Variants in BACH2 observed in about 807,000 individuals in gnomAD.
The protein encoded by BACH2 is BACH transcriptional regulator 2.
BACH2 carries 5 observed loss-of-function variants against 61.8 expected under a neutral mutation model. The ratio of observed to expected loss-of-function variants is 0.08; its 90% CI spans 0.04 to 0.17. BACH2 has a LOEUF of 0.17. BACH2 is among the 10% of genes least tolerant of loss of function. The pLI is 1.00. For synonymous variants in BACH2, 446 were observed against 440.1 expected (o/e 1.01, Z -0.17); for missense variants, 824 against 1,091.1 (o/e 0.76, Z 3.45).
intron 7 of BACH2, among the ~76,000 whole-genome samples, chr6:89,945,821 CCA>C (rs1417876862): frequency 3.3e-5 from 5 of 152,182 alleles, no homozygotes; most frequent in African/African-American, 1.2e-4. Flanking sequence ...AACGGTGCTC[CCA>C]GTTTTTTCTT....
intron 1 of BACH2, among the ~76,000 whole-genome samples, chr6:90,282,183 G>A (rs920022355): frequency 5.3e-5 from 8 of 152,008 alleles, no homozygotes; most frequent in South Asian, 4.2e-4. Context: ...TAAGTTCAGG[G>A]GTATGCACAT....
intron 4 of BACH2, among the ~76,000 whole-genome samples, chr6:90,123,878 A>G (rs1322223508): frequency 6.6e-6 from 1 of 151,972 alleles, no homozygotes; most frequent in African/African-American, 2.4e-5. Flanking sequence ...CTGATGCCCC[A>G]AAGCACAATG....
intron 1 of BACH2, among the ~76,000 whole-genome samples, chr6:90,281,878 G>A (rs1236354788): frequency 6.6e-6 from 1 of 151,808 alleles, no homozygotes; most frequent in South Asian, 2.1e-4. Context: ...GAAAACTAAG[G>A]TACACTGAAG....
chr6:90,029,183 C>T (rs980811271), intron 5 of BACH2, among the ~76,000 whole-genome samples: 1 of 152,176 alleles, frequency 6.6e-6, no homozygotes, highest in East Asian at 1.9e-4. Context: ...AGGGTAACCA[C>T]AGCAGGTTCA....
At chr6:90,260,181 A>G (rs1582542764) in intron 2 of BACH2, among the ~76,000 whole-genome samples, 1 of 152,284 alleles carries the variant, frequency 6.6e-6, no homozygotes, top group African/African-American at 2.4e-5. Flanking sequence ...ATGTAGGCAT[A>G]TATTGCTATA....
At chr6:90,168,858 C>T (rs976579727) in intron 4 of BACH2, among the ~76,000 whole-genome samples, 3 of 152,178 alleles carry the variant, frequency 2.0e-5, no homozygotes, top group Non-Finnish European at 4.4e-5. Flanking sequence ...TTTCCTGTTC[C>T]ACGCTGGTTT....
intron 4 of BACH2, among the ~76,000 whole-genome samples, chr6:90,123,067 T>G (rs4421168): frequency 6.6e-6 from 1 of 152,198 alleles, no homozygotes; most frequent in African/African-American, 2.4e-5. Context: ...AATGAAACTT[T>G]ATGTTGGAAA....
At chr6:90,070,315 G>T (rs140285175) in intron 5 of BACH2, among the ~76,000 whole-genome samples, 3 of 152,174 alleles carry the variant, frequency 2.0e-5, no homozygotes, top group Admixed American at 6.5e-5. Flanking sequence ...GGAGCCACTC[G>T]CACAGCTAGC....
chr6:90,254,051 G>T (rs1286520127), intron 2 of BACH2, among the ~76,000 whole-genome samples: 1 of 152,020 alleles, frequency 6.6e-6, no homozygotes, highest in Non-Finnish European at 1.5e-5. Flanking sequence ...ATAAAAACTT[G>T]AATGCAGGTA....
intron 6 of BACH2, among the ~76,000 whole-genome samples, chr6:89,969,642 C>T (rs923869721): frequency 7.9e-5 from 12 of 152,174 alleles, no homozygotes; most frequent in African/African-American, 1.2e-4. Context: ...GCCATATGCA[C>T]CTGGGATTAA....
At chr6:90,227,095 T>C (rs1415958294) in intron 3 of BACH2, among the ~76,000 whole-genome samples, 3 of 152,204 alleles carry the variant, frequency 2.0e-5, no homozygotes, top group Non-Finnish European at 4.4e-5. Flanking sequence ...TCCATTTGAT[T>C]TGCCATTAAG....
chr6:90,014,075 T>C (rs1452214864), intron 5 of BACH2, among the ~76,000 whole-genome samples: 1 of 152,132 alleles, frequency 6.6e-6, no homozygotes, highest in Non-Finnish European at 1.5e-5. Flanking sequence ...TAAGCCACTG[T>C]GCCCAGCCCT....
At chr6:90,094,477 C>T (rs780857294) in intron 4 of BACH2, among the ~76,000 whole-genome samples, 1 of 152,172 alleles carries the variant, frequency 6.6e-6, no homozygotes, top group Admixed American at 6.5e-5. Context: ...CTCTCAATGT[C>T]CTCCTGTTGT....
At chr6:90,149,567 G>C (rs1784739864) in intron 4 of BACH2, among the ~76,000 whole-genome samples, 1 of 152,158 alleles carries the variant, frequency 6.6e-6, no homozygotes, top group African/African-American at 2.4e-5. Flanking sequence ...AATAACATGG[G>C]GGATGCCCAT....
intron 6 of BACH2, among the ~76,000 whole-genome samples, chr6:89,988,273 A>G (rs756917638): frequency 1.3e-5 from 2 of 152,094 alleles, no homozygotes; most frequent in Non-Finnish European, 2.9e-5. Flanking sequence ...TTTATACAGC[A>G]TTTTTCCAGG....
At chr6:90,088,480 C>T (rs1562435092) in intron 5 of BACH2, among the ~76,000 whole-genome samples, 1 of 152,132 alleles carries the variant, frequency 6.6e-6, no homozygotes, top group African/African-American at 2.4e-5. Context: ...AACCTTAAAA[C>T]TCTTTTCTGA....
rs1402470920 is a variant in BACH2 at position 89,928,261 on chromosome 6, C to T, written c.*4147G>A. On this transcript the variant is annotated 3_prime_UTR_variant, in exon 9 of 9. Coordinates refer to ENST00000257749, the MANE Select transcript of BACH2 (RefSeq NM_021813.4). The stretch of plus-strand genomic sequence containing the variant: ...ATAGTGAAGCAGTTTGAAGTCATTT[C>T]TAAGACAGCTCCTAGTTTAAATGGG... The T allele has an allele frequency of 6.6e-6, 1 of 152,336 alleles. No homozygotes were observed. The highest frequency in any genetic ancestry group is 1.5e-5 in the Non-Finnish European group (1 of 68,034). 9.4% of individuals were successfully genotyped at this position (152,336 alleles called of 1,614,324 possible). A position where few individuals can be genotyped will look rare whatever the true frequency, so the allele number is the denominator to read the frequency against.
intron 5 of BACH2, among the ~76,000 whole-genome samples, chr6:90,020,106 T>G (rs1778294653): frequency 6.6e-6 from 1 of 152,212 alleles, no homozygotes; most frequent in Non-Finnish European, 1.5e-5. Flanking sequence ...GGATAATAAT[T>G]CTTTATGCCA....
At chr6:89,980,757 C>G (rs1161872037) in intron 6 of BACH2, among the ~76,000 whole-genome samples, 2 of 152,214 alleles carry the variant, frequency 1.3e-5, no homozygotes, top group Non-Finnish European at 2.9e-5. Flanking sequence ...CCATACACTT[C>G]TTATTTCTTA....
Sources: gnomAD v4.1 joint callset for allele counts (sites outside exome capture counted in the v4.1 genomes callset) on GRCh38, gnomAD v4.1.1 for gene constraint, MANE v1.5 for transcripts, NCBI Gene and HGNC (gene_info 2026-07-23, HGNC 2026-07-21) for gene names.